Variants in LOXL4 observed in about 807,000 individuals in gnomAD.
The protein encoded by LOXL4 is lysyl oxidase homolog 4.
LOXL4 carries 72 observed loss-of-function variants against 89.1 expected under a neutral mutation model. That is an observed-to-expected ratio of 0.81 (90% CI 0.67 to 0.98). The LOEUF (loss-of-function observed/expected upper bound fraction) is 0.98. Ranked by LOEUF, LOXL4 falls within the 50% of genes least tolerant of loss-of-function variation. LOXL4 has a pLI of 0.00. For synonymous variants in LOXL4, 355 were observed against 392.1 expected, an observed-to-expected ratio of 0.91 and a Z score of 1.12; for missense variants, 984 against 1,017.5, an observed-to-expected ratio of 0.97 and a Z score of 0.45.
chr10:98,251,135 G>C lies in LOXL4; in HGVS notation c.2130C>G (p.Phe710Leu). ...NPHYEVAESDFSNNMLQCRCK... is the reference protein window; with the variant it reads ...NPHYEVAESDLSNNMLQCRCK... The stretch of plus-strand genomic sequence containing the variant: ...AGCGGCACTGCAGCATATTGTTGGA[G>C]AAATCTGACTCTGCCACTTCATAGT... Residue 710 changes from phenylalanine to leucine, a missense_variant, in exon 14 of 15, where the codon TTC becomes TTG. Phe to Leu is a conservative substitution (Grantham distance 22, BLOSUM62 0). Transcript: ENST00000260702. 1 of 1,614,150 alleles carries C rather than the reference G, an allele frequency of 6.2e-7. No individual in the cohort carries two copies. The highest frequency in any genetic ancestry group is 8.5e-7 in the Non-Finnish European group (1 of 1,180,016).
chr10:98,256,706 T>TCTAAG (rs1445168070), intron 9 of LOXL4, 74 bp downstream of exon 9: 54 of 1,575,350 alleles, frequency 3.4e-5, no homozygotes, highest in Non-Finnish European at 4.7e-5. Flanking sequence ...AGGCAGCAGC[T>TCTAAG]TTAGCACAGG....
chr10:98,263,438 T>C (rs1282701057), intron 1 of LOXL4, among the ~76,000 whole-genome samples: 1 of 152,154 alleles, frequency 6.6e-6, no homozygotes, highest in Non-Finnish European at 1.5e-5. Context: ...ACACCTAAAA[T>C]CTTATGTGTA....
chr10:98,261,393 A>G (rs915015517), intron 3 of LOXL4, among the ~76,000 whole-genome samples: 3 of 152,162 alleles, frequency 2.0e-5, no homozygotes, highest in Non-Finnish European at 4.4e-5. Flanking sequence ...AACTAGGCAG[A>G]TCTGGCCCCC....
chr10:98,260,794 G>T, intron 4 of LOXL4, 128 bp downstream of exon 4: 1 of 951,936 alleles, frequency 1.1e-6, no homozygotes, highest in Non-Finnish European at 1.6e-6. Context: ...ATACTTACTT[G>T]CCCCTCACAT....
At chr10:98,258,941 C>A (rs1858458893) in intron 6 of LOXL4, 68 bp downstream of exon 6, 1 of 1,328,518 alleles carries the variant, frequency 7.5e-7, no homozygotes, top group East Asian at 2.6e-5. Flanking sequence ...CTCCCCGCAC[C>A]CCCCACCAGG....
rs1178454872 is a variant in LOXL4, at chr10:98,255,578, G to A, written c.1590C>T (p.Asp530=). The A allele has an allele frequency of 1.2e-6, 2 of 1,603,270 alleles. No individual in the cohort carries two copies. Among genetic ancestry groups the A allele is most frequent in the Non-Finnish European group, 1.7e-6 (2 of 1,171,342 alleles). Residue 530 remains aspartate (D), a splice_region_variant and synonymous_variant, in exon 10 of 15, where the codon GAC becomes GAT. Coordinates refer to ENST00000260702, the MANE Select transcript of LOXL4 (RefSeq NM_032211.7). ...CCCTGTGAGCCCTCCGTCACTCACT[G>A]TCCATGCAGGAGACTCCAGCCAGGA... ...GRFLAGVSCM[D]SAPDLVMNAQ...
At chr10:98,262,652 G>C in intron 2 of LOXL4, 91 bp downstream of exon 2, 1 of 1,469,054 alleles carries the variant, frequency 6.8e-7, no homozygotes, top group Non-Finnish European at 9.3e-7. Context: ...CATGAGCAGG[G>C]TATTAAAGGA....
intron 11 of LOXL4, among the ~76,000 whole-genome samples, chr10:98,253,343 C>T (rs1858259840): frequency 6.6e-6 from 1 of 152,250 alleles, no homozygotes; most frequent in African/African-American, 2.4e-5. Flanking sequence ...GAAACAGACC[C>T]CACGGGCACC....
rs774965121 is a variant in LOXL4 at position 98,255,681 on chromosome 10, C to CG, written c.1486dup (p.Arg496ProfsTer100). The CG allele has an allele frequency of 6.2e-7, 1 of 1,613,728 alleles. No homozygotes were observed. The highest frequency in any genetic ancestry group is 1.1e-5 in the South Asian group (1 of 91,072). On this transcript the variant is annotated frameshift_variant, in exon 10 of 15. Transcript: ENST00000260702. LOFTEE classifies it high-confidence loss of function. ...CAGGGCCAGCTCTGTGCCTGAGCAG[C>CG]GCACCCCACTCATCACCACCTCCTG...
chr10:98,255,146 G>A (rs1858318544), intron 10 of LOXL4, among the ~76,000 whole-genome samples: 2 of 152,182 alleles, frequency 1.3e-5, no homozygotes, highest in African/African-American at 2.4e-5. Flanking sequence ...CCTTGGCCCC[G>A]GGTGTGCTCA....
In LOXL4 at chr10:98,259,404, C is replaced by G. The variant is rs1467545032; in HGVS notation, c.688G>C (p.Asp230His). ...GCTGCTCCTCACCTAGACTTAGGGT[C>G]CCTCATCTTCAGATCCCAGACTTTC... is the stretch of plus-strand genomic sequence containing the variant. ...YRKVWDLKMR[D>H]PKSRLKSLTN... Residue 230 changes from aspartate (D) to histidine (H), a missense_variant, in exon 5 of 15, where the codon GAC becomes CAC. By Grantham distance (81) the Asp-to-His change is moderately conservative. Transcript: ENST00000260702. 6.2e-7 allele frequency: 1 copy of G among 1,613,102 alleles called. No homozygotes were observed. The highest frequency in any genetic ancestry group is 2.2e-5 in the East Asian group (1 of 44,876).
chr10:98,262,279 T>C (rs995777523), intron 2 of LOXL4, 66 bp from the exon 3 acceptor site: 71 of 1,552,418 alleles, frequency 4.6e-5, no homozygotes, highest in Non-Finnish European at 5.6e-5. Flanking sequence ...GCCTCCTGCA[T>C]AGGACCCCAC....
At chr10:98,255,368 A>G (rs145541992) in intron 10 of LOXL4, among the ~76,000 whole-genome samples, 105 of 152,190 alleles carry the variant, frequency 6.9e-4, no homozygotes, top group African/African-American at 2.2e-3. Flanking sequence ...TCATGTTCTC[A>G]GTGTTCTTTC....
intron 1 of LOXL4, 60 bp from the exon 2 acceptor site, chr10:98,263,111 A>T: frequency 2.1e-6 from 3 of 1,449,524 alleles, no homozygotes; most frequent in Non-Finnish European, 9.4e-7. Flanking sequence ...AGACCTCTGC[A>T]GCAATTTGGC....
intron 1 of LOXL4, among the ~76,000 whole-genome samples, chr10:98,266,032 C>A (rs1377966489): frequency 6.6e-6 from 1 of 152,196 alleles, no homozygotes; most frequent in Admixed American, 6.5e-5. Context: ...CTTGTGGGGG[C>A]TCCCAGCTGG....
chr10:98,255,860 A>G (rs1858346505), intron 9 of LOXL4, 121 bp from the exon 10 acceptor site: 4 of 1,204,770 alleles, frequency 3.3e-6, no homozygotes, highest in Non-Finnish European at 4.6e-6. Context: ...GGGCCTGAAA[A>G]TCTTCAGTGA....
chr10:98,258,443 C>T (rs1858445418), intron 6 of LOXL4, among the ~76,000 whole-genome samples: 5 of 151,746 alleles, frequency 3.3e-5, no homozygotes, highest in Admixed American at 3.3e-4. Flanking sequence ...CCTCACAAGG[C>T]CATCTCAGTG....
At chr10:98,265,327 G>A (rs909094725) in intron 1 of LOXL4, among the ~76,000 whole-genome samples, 1 of 152,040 alleles carries the variant, frequency 6.6e-6, no homozygotes, top group Admixed American at 6.5e-5. Flanking sequence ...ATTAAGTGAA[G>A]AAACATTAAA....
At chr10:98,266,235 C>A (rs61875310) in intron 1 of LOXL4, among the ~76,000 whole-genome samples, 2 of 152,196 alleles carry the variant, frequency 1.3e-5, no homozygotes, top group African/African-American at 4.8e-5. Flanking sequence ...GACAACCACA[C>A]CTTCTCTACC....
Sources: gnomAD v4.1 joint callset for allele counts (sites outside exome capture counted in the v4.1 genomes callset) on GRCh38, gnomAD v4.1.1 for gene constraint, MANE v1.5 for transcripts, NCBI Gene and HGNC (gene_info 2026-07-23, HGNC 2026-07-21) for gene names.